The following CDH23 variants were observed in gnomAD, a reference collection of about 807,000 sequenced individuals.
CDH23 encodes cadherin related 23, also known as cadherin-23.
In CDH23, 189 loss-of-function variants were observed where a neutral mutation model predicts 317.1. The ratio of observed to expected loss-of-function variants is 0.60; its 90% CI spans 0.53 to 0.67. CDH23 has a LOEUF of 0.67. Ranked by LOEUF, CDH23 falls within the 30% of genes least tolerant of loss-of-function variation. CDH23 has a pLI of 0.00. For synonymous variants in CDH23, 1,839 were observed against 1,876.8 expected (o/e 0.98, Z 0.52); for missense variants, 4,401 against 4,592.4 (o/e 0.96, Z 1.20).
At chr10:71,704,074 CAAGTA>C (rs1458008320) in intron 24 of CDH23, among the ~76,000 whole-genome samples, 1 of 152,118 alleles carries the variant, frequency 6.6e-6, no homozygotes, top group Non-Finnish European at 1.5e-5. Context: ...GAGCTGTGCG[CAAGTA>C]AAGTAAAAGT....
chr10:71,724,101 C>T lies in CDH23; in HGVS notation c.3426C>T (p.Leu1142=). 1 of 1,557,668 alleles carries T rather than the reference C, an allele frequency of 6.4e-7. No homozygotes were observed. The highest frequency in any genetic ancestry group is 8.7e-7 in the Non-Finnish European group (1 of 1,150,256). The change falls in exon 29 of 70, where the codon CTC becomes CTT. Residue 1142 remains leucine, a synonymous_variant. Coordinates refer to ENST00000224721, the MANE Select transcript of CDH23 (RefSeq NM_022124.6). Reference sequence around the variant, plus strand: ...TTGGGCGTGTGTGGTACCGCATCCTCCATGGTAAGTGGGGCTGCCCTAGGA... The same window carrying T: ...TTGGGCGTGTGTGGTACCGCATCCTTCATGGTAAGTGGGGCTGCCCTAGGA... The part of the protein sequence containing the change: ...GEFGRVWYRI[L]HGNHGNNFRI...
intron 6 of CDH23, among the ~76,000 whole-genome samples, chr10:71,559,973 G>T (rs1230880011): frequency 6.6e-6 from 1 of 152,140 alleles, no homozygotes; most frequent in Non-Finnish European, 1.5e-5. Flanking sequence ...ATGGGCATTC[G>T]CCCCTCCTGC....
At chr10:71,503,778 C>T (rs114872984) in intron 3 of CDH23, among the ~76,000 whole-genome samples, 8 of 152,192 alleles carry the variant, frequency 5.3e-5, no homozygotes, top group African/African-American at 1.4e-4. Context: ...GCCTCCCCAA[C>T]GTGCTAACTC....
At chr10:71,659,360 A>G (rs79103676) in intron 14 of CDH23, among the ~76,000 whole-genome samples, 3,165 of 152,290 alleles carry the variant, frequency 0.021, 104 homozygotes, top group African/African-American at 0.072. Context: ...ACTGGGAACT[A>G]GGCCTGAGAG....
intron 9 of CDH23, among the ~76,000 whole-genome samples, chr10:71,580,898 C>T (rs1335215783): frequency 6.6e-6 from 1 of 152,106 alleles, no homozygotes; most frequent in Non-Finnish European, 1.5e-5. Context: ...CACAGTCTCC[C>T]TGAGAGCCAT....
At chr10:71,629,866 G>A (rs1264546305) in intron 11 of CDH23, among the ~76,000 whole-genome samples, 1 of 152,154 alleles carries the variant, frequency 6.6e-6, no homozygotes, top group African/African-American at 2.4e-5. Context: ...CTTCATTTGT[G>A]GGGGACACAA....
intron 1 of CDH23, among the ~76,000 whole-genome samples, chr10:71,428,139 CT>C (rs112105182): frequency 0.31 from 39,929 of 130,806 alleles, 5,105 homozygotes; most frequent in African/African-American, 0.4. Context: ...TTCTTTCTTT[CT>C]TTTTTTTTTT....
At chr10:71,791,426 C>A in intron 47 of CDH23, 91 bp downstream of exon 47, 1 of 1,143,558 alleles carries the variant, frequency 8.7e-7, no homozygotes, top group Non-Finnish European at 1.3e-6. Flanking sequence ...CGGAGTTTGC[C>A]TCCAGTGGGG....
intron 14 of CDH23, among the ~76,000 whole-genome samples, chr10:71,669,111 G>A (rs758406744): frequency 6.6e-6 from 1 of 152,214 alleles, no homozygotes; most frequent in Non-Finnish European, 1.5e-5. Context: ...TGAGCGCTGA[G>A]CGGCCATTGA....
At chr10:71,750,944 G>T (rs1036801935) in intron 38 of CDH23, 1 of 327,662 alleles carries the variant, frequency 3.1e-6, no homozygotes, top group Admixed American at 4.8e-5. Context: ...GAGAGCTGCT[G>T]AAGGGCTGGA....
chr10:71,516,536 A>G (rs889002170), intron 6 of CDH23, among the ~76,000 whole-genome samples: 2 of 152,254 alleles, frequency 1.3e-5, no homozygotes, highest in African/African-American at 4.8e-5. Context: ...CCATTTGTCA[A>G]TGAAATCAAA....
chr10:71,561,846 G>A (rs1029478803), intron 6 of CDH23, among the ~76,000 whole-genome samples: 29 of 152,242 alleles, frequency 1.9e-4, no homozygotes, highest in African/African-American at 7.0e-4. Context: ...CTGGGCAGGG[G>A]GGTACCATGA....
intron 6 of CDH23, among the ~76,000 whole-genome samples, chr10:71,545,859 C>G (rs1003845981): frequency 6.6e-6 from 1 of 152,174 alleles, no homozygotes; most frequent in Admixed American, 6.5e-5. Flanking sequence ...GGAGGTGACT[C>G]TCCAGGTAGA....
chr10:71,738,759 C>T (rs996431897), intron 35 of CDH23, 112 bp downstream of exon 35: 24 of 1,299,616 alleles, frequency 1.8e-5, no homozygotes, highest in Middle Eastern at 2.6e-4. Context: ...CAGGTTCTTC[C>T]GGTCTCTGCC....
At chr10:71,722,055 T>A (rs189113219) in intron 28 of CDH23, among the ~76,000 whole-genome samples, 1 of 152,304 alleles carries the variant, frequency 6.6e-6, no homozygotes, top group East Asian at 1.9e-4. Context: ...CAGGAACCCA[T>A]CCCCATCTTC....
chr10:71,439,098 T>C (rs2132002917), intron 1 of CDH23, among the ~76,000 whole-genome samples: 1 of 152,082 alleles, frequency 6.6e-6, no homozygotes, highest in East Asian at 1.9e-4. Flanking sequence ...TAGGATCTGG[T>C]CTTTCAGAAC....
chr10:71,759,691 C>T (rs1840245429), intron 38 of CDH23, among the ~76,000 whole-genome samples: 1 of 151,644 alleles, frequency 6.6e-6, no homozygotes, highest in Non-Finnish European at 1.5e-5. Flanking sequence ...CCTGTAATCT[C>T]ATCCTAGCTA....
intron 1 of CDH23, among the ~76,000 whole-genome samples, chr10:71,412,493 G>A (rs867567540): frequency 6.6e-6 from 1 of 152,124 alleles, no homozygotes; most frequent in Non-Finnish European, 1.5e-5. Flanking sequence ...ATTTTTCAGA[G>A]ATGGTTGTCT....
chr10:71,679,203 G>A (rs575150304), intron 16 of CDH23, among the ~76,000 whole-genome samples, 184 bp from the exon 17 acceptor site: 28 of 152,238 alleles, frequency 1.8e-4, no homozygotes, highest in Admixed American at 1.1e-3. Context: ...GCCAGAGTGC[G>A]GCCTCCAGTT....
Sources: gnomAD v4.1 joint callset for allele counts (sites outside exome capture counted in the v4.1 genomes callset) on GRCh38, gnomAD v4.1.1 for gene constraint, MANE v1.5 for transcripts, NCBI Gene and HGNC (gene_info 2026-07-23, HGNC 2026-07-21) for gene names.